TPTE2: variants seen among roughly 807,000 people sequenced by gnomAD.
TPTE2 encodes the protein phosphatidylinositol 3,4,5-trisphosphate 3-phosphatase TPTE2.
A neutral mutation model predicts 78.6 loss-of-function variants in TPTE2; 53 were observed. That is an observed-to-expected ratio of 0.67 (90% CI 0.54 to 0.85). TPTE2 has a LOEUF of 0.85. Ranked by LOEUF, TPTE2 falls within the 40% of genes least tolerant of loss-of-function variation. The pLI is 0.00. For missense variants in TPTE2, 461 were observed against 623.0 expected (o/e 0.74, Z 2.77); for synonymous variants, 175 against 206.2 (o/e 0.85, Z 1.30).
chr13:19,475,535 A>G (rs762796861), intron 5 of TPTE2, 38 bp downstream of exon 8: 9 of 1,599,750 alleles, frequency 5.6e-6, no homozygotes, highest in Non-Finnish European at 7.7e-6. Context: ...CAAGTCTCAG[A>G]TATATTTAAT....
intron 2 of TPTE2, among the ~76,000 whole-genome samples, chr13:19,493,199 T>C (rs1460412798): frequency 6.6e-6 from 1 of 150,966 alleles, no homozygotes; most frequent in Non-Finnish European, 1.5e-5. Flanking sequence ...AAAAAATCTC[T>C]ATGGCCATGC....
upstream of TPTE2, among the ~76,000 whole-genome samples, chr13:19,506,158 A>ATATTTTTTTTT (rs1566069858): frequency 4.2e-5 from 1 of 23,556 alleles, no homozygotes; most frequent in Non-Finnish European, 9.8e-5. Flanking sequence ...GTGTATATAA[A>ATATTTTTTTTT]TCTTTTTTTT....
At chr13:19,555,825 T>G in the TPTE2 span, among the ~76,000 whole-genome samples, 1 of 142,510 alleles carries the variant, frequency 7.0e-6, no homozygotes. Context: ...TTTTTTTTTT[T>G]TTTTTTTGAG....
intron 1 of TPTE2, among the ~76,000 whole-genome samples, chr13:19,508,682 A>G (rs1869233508): frequency 6.6e-6 from 1 of 152,200 alleles, no homozygotes; most frequent in Non-Finnish European, 1.5e-5. Context: ...AATGTTATGG[A>G]GGATAAAAAC....
intron 11 of TPTE2, among the ~76,000 whole-genome samples, chr13:19,450,720 A>G (rs1005109943): frequency 2.0e-5 from 3 of 152,180 alleles, no homozygotes; most frequent in African/African-American, 7.2e-5. Flanking sequence ...CAAGAGAGAC[A>G]GGGTATTAAA....
intron 3 of TPTE2, among the ~76,000 whole-genome samples, chr13:19,485,569 C>A (rs1259176768): frequency 1.3e-5 from 2 of 152,132 alleles, no homozygotes; most frequent in Non-Finnish European, 2.9e-5. Flanking sequence ...AGATGTCTAG[C>A]TCTCTCTCAA....
intron 13 of TPTE2, among the ~76,000 whole-genome samples, chr13:19,448,180 C>G (rs1393114367): frequency 6.6e-6 from 1 of 152,154 alleles, no homozygotes; most frequent in African/African-American, 2.4e-5. Context: ...AAAATCAACT[C>G]AAAGTAAATG....
chr13:19,503,410 G>T, upstream of TPTE2: 1 of 889,070 alleles, frequency 1.1e-6, no homozygotes, highest in Non-Finnish European at 1.7e-6. Flanking sequence ...GCACTATTTG[G>T]TCTGAAATGT....
the TPTE2 span, among the ~76,000 whole-genome samples, chr13:19,555,490 G>A: frequency 1.3e-5 from 2 of 152,136 alleles, no homozygotes; most frequent in Non-Finnish European, 2.9e-5. Flanking sequence ...TGCTATTCTT[G>A]TACTTAATTG....
At chr13:19,480,424 ATAAAT>A (rs1485357413) in intron 4 of TPTE2, among the ~76,000 whole-genome samples, 1 of 152,268 alleles carries the variant, frequency 6.6e-6, no homozygotes, top group Non-Finnish European at 1.5e-5. Flanking sequence ...AATGAAGAAA[ATAAAT>A]TCAAAACAGA....
intron 1 of TPTE2, among the ~76,000 whole-genome samples, chr13:19,496,361 C>T (rs569660718): frequency 6.6e-6 from 1 of 152,230 alleles, no homozygotes; most frequent in African/African-American, 2.4e-5. Context: ...GGCCAATGCA[C>T]GACAGCCTTT....
rs146997691 is a variant in TPTE2, at chr13:19,489,967, T to G, written c.119+2883A>C. ...GACTTCAGAGACATACTTTTCTGGT[T>G]GAAGTTATGTACAATTGCTCTACAT... On this transcript the variant is annotated intron_variant, in intron 3 of 19. Transcript: ENST00000400230. 1.2e-4 allele frequency among the ~76,000 whole-genome samples: 18 copies of G among 152,246 alleles called. No individual in the cohort carries two copies. In the East Asian group the frequency reaches 3.5e-3, roughly 29 times the overall value.
the TPTE2 span, among the ~76,000 whole-genome samples, chr13:19,547,112 A>G: frequency 4.1e-4 from 62 of 152,234 alleles, 1 homozygote; most frequent in South Asian, 0.012. Flanking sequence ...ATCACATACA[A>G]TGAATCTAGG....
chr13:19,479,086 C>A (rs1880156896), intron 4 of TPTE2, among the ~76,000 whole-genome samples: 1 of 152,056 alleles, frequency 6.6e-6, no homozygotes, highest in Non-Finnish European at 1.5e-5. Flanking sequence ...TACAGCACAC[C>A]AACATGGCAC....
rs2932171 is a variant in TPTE2 at position 19,489,526 on chromosome 13, T to A, written c.119+3324A>T. On this transcript the variant is annotated intron_variant, in intron 3 of 19. Coordinates refer to ENST00000400230, the Ensembl canonical transcript of TPTE2. The stretch of plus-strand genomic sequence containing the variant: ...ATATATATATTAGAGGATATATATA[T>A]GACTACTGATGTTATTAATTTGGGT... Among the ~76,000 whole-genome samples, 514 of 150,704 alleles carry A rather than the reference T, an allele frequency of 3.4e-3. 4 individuals carry two copies. Among genetic ancestry groups the A allele is most frequent in the African/African-American group, 0.012 (474 of 41,182 alleles).
chr13:19,502,031 A>G (rs923569212), intron 1 of TPTE2, among the ~76,000 whole-genome samples: 1 of 126,978 alleles, frequency 7.9e-6, no homozygotes, highest in Non-Finnish European at 1.6e-5. Flanking sequence ...TATGCAGCCA[A>G]AAAACACATG....
chr13:19,491,341 C>T (rs1282825924), intron 3 of TPTE2, among the ~76,000 whole-genome samples: 5 of 152,068 alleles, frequency 3.3e-5, no homozygotes, highest in Non-Finnish European at 5.9e-5. Context: ...TTAGCAAATA[C>T]ATTTTTTGCA....
chr13:19,461,013 A>G (rs1878855401), intron 10 of TPTE2, among the ~76,000 whole-genome samples: 1 of 150,892 alleles, frequency 6.6e-6, no homozygotes, highest in South Asian at 2.1e-4. Flanking sequence ...CCTTCCATCA[A>G]GAGTTGGAGT....
intron 17 of TPTE2, among the ~76,000 whole-genome samples, chr13:19,429,397 G>A (rs1876384424): frequency 6.6e-6 from 1 of 152,214 alleles, no homozygotes; most frequent in Non-Finnish European, 1.5e-5. Context: ...GAGAATCAAA[G>A]CCCAAGGCGT....
Sources: allele counts gnomAD v4.1 joint callset (sites outside exome capture counted in the v4.1 genomes callset), GRCh38; gene constraint gnomAD v4.1.1; transcripts MANE v1.5; gene names NCBI Gene and HGNC (gene_info 2026-07-23, HGNC 2026-07-21).